The following ASAP2 variants were observed in gnomAD, a reference collection of about 807,000 sequenced individuals.
ASAP2 encodes arf-GAP with SH3 domain, ANK repeat and PH domain-containing protein 2.
ASAP2 carries 45 observed loss-of-function variants against 131.4 expected under a neutral mutation model. The ratio of observed to expected loss-of-function variants is 0.34; its 90% CI spans 0.27 to 0.44. ASAP2 has a LOEUF of 0.44. Ranked by LOEUF, ASAP2 falls within the 20% of genes least tolerant of loss-of-function variation. ASAP2 has a pLI of 1.00. For synonymous variants in ASAP2, 510 were observed against 503.0 expected (o/e 1.01, Z -0.19); for missense variants, 1,011 against 1,297.0 (o/e 0.78, Z 3.39).
At chr2:9,319,876 G>T (rs1012982552) in intron 4 of ASAP2, among the ~76,000 whole-genome samples, 2 of 152,174 alleles carry the variant, frequency 1.3e-5, no homozygotes, top group Admixed American at 6.5e-5. Context: ...TTAAAGCAGG[G>T]TTAGATGTGA....
At chr2:9,344,887 G>C in intron 11 of ASAP2, 87 bp downstream of exon 11, 1 of 1,151,412 alleles carries the variant, frequency 8.7e-7, no homozygotes, top group Admixed American at 1.8e-5. Flanking sequence ...GGCAGGAGTT[G>C]TTCTCCGTGT....
intron 1 of ASAP2, among the ~76,000 whole-genome samples, chr2:9,267,473 T>G (rs2148235031): frequency 6.6e-6 from 1 of 152,288 alleles, no homozygotes; most frequent in East Asian, 1.9e-4. Flanking sequence ...GAGGACATGA[T>G]TTAGTTCTTT....
intron 1 of ASAP2, among the ~76,000 whole-genome samples, chr2:9,240,542 A>G (rs1224990220): frequency 2.0e-5 from 3 of 152,130 alleles, no homozygotes; most frequent in African/African-American, 7.2e-5. Flanking sequence ...CACCGTGCCC[A>G]GCCCCTCCCA....
intron 1 of ASAP2, among the ~76,000 whole-genome samples, chr2:9,240,595 A>G (rs1663893582): frequency 6.6e-6 from 1 of 152,142 alleles, no homozygotes; most frequent in Admixed American, 6.5e-5. Flanking sequence ...CTTGCCACGC[A>G]CCACGGCCGT....
intron 1 of ASAP2, among the ~76,000 whole-genome samples, chr2:9,259,592 C>T (rs894364955): frequency 2.0e-5 from 3 of 152,258 alleles, no homozygotes; most frequent in Non-Finnish European, 4.4e-5. Flanking sequence ...ACAGCACCAT[C>T]TGCATCTCTT....
chr2:9,289,027 G>A (rs1667633624), intron 2 of ASAP2, among the ~76,000 whole-genome samples: 1 of 152,216 alleles, frequency 6.6e-6, no homozygotes, highest in African/African-American at 2.4e-5. Flanking sequence ...CCCATAGAGT[G>A]CTGTGTTTCC....
intron 21 of ASAP2, among the ~76,000 whole-genome samples, chr2:9,386,092 C>T (rs1206196612): frequency 6.6e-6 from 1 of 152,004 alleles, no homozygotes; most frequent in African/African-American, 2.4e-5. Context: ...GGAATGTGCT[C>T]TGTGCTGAAT....
intron 1 of ASAP2, among the ~76,000 whole-genome samples, chr2:9,233,923 C>T (rs746834399): frequency 1.3e-5 from 2 of 151,800 alleles, no homozygotes; most frequent in Non-Finnish European, 2.9e-5. Context: ...CCAGCTTGGC[C>T]AACACGGTGA....
At chr2:9,278,680 T>C (rs1176229929) in intron 1 of ASAP2, among the ~76,000 whole-genome samples, 3 of 152,206 alleles carry the variant, frequency 2.0e-5, no homozygotes, top group Non-Finnish European at 2.9e-5. Context: ...TGCCGTGTAG[T>C]AGCTGGTCTA....
chr2:9,353,411 G>T (rs1481074515), intron 12 of ASAP2, among the ~76,000 whole-genome samples: 1 of 152,148 alleles, frequency 6.6e-6, no homozygotes, highest in Admixed American at 6.5e-5. Context: ...TTTAAAAATA[G>T]TGCAGTATGG....
chr2:9,334,815 T>C lies in ASAP2; in HGVS notation c.762+2T>C. Reference sequence around the variant, plus strand: ...ACGCTGTCTACGGATCTTCACACGGTGAGTAGCTTCCCTCCCACTGTGGTT... The same window carrying C: ...ACGCTGTCTACGGATCTTCACACGGCGAGTAGCTTCCCTCCCACTGTGGTT... On this transcript the variant is annotated splice_donor_variant, in intron 8 of 27. Transcript: ENST00000281419. LOFTEE classifies it high-confidence loss of function. 6.2e-7 allele frequency: 1 copy of C among 1,612,872 alleles called. No homozygotes were observed. Among genetic ancestry groups the C allele is most frequent in the Non-Finnish European group, 8.5e-7 (1 of 1,178,960 alleles).
chr2:9,286,455 T>A (rs1258098375), intron 2 of ASAP2, among the ~76,000 whole-genome samples: 1 of 150,616 alleles, frequency 6.6e-6, no homozygotes, highest in Non-Finnish European at 1.5e-5. Context: ...AAAATATATA[T>A]ATATATACTG....
intron 20 of ASAP2, among the ~76,000 whole-genome samples, chr2:9,384,037 T>C (rs1675072424): frequency 6.6e-6 from 1 of 151,978 alleles, no homozygotes; most frequent in Non-Finnish European, 1.5e-5. Context: ...GGGGGAGGGA[T>C]AGCATCAGGA....
intron 20 of ASAP2, among the ~76,000 whole-genome samples, chr2:9,382,449 G>A (rs1218632912): frequency 6.6e-6 from 1 of 152,218 alleles, no homozygotes; most frequent in Non-Finnish European, 1.5e-5. Flanking sequence ...GACACCCATA[G>A]TGTGTAACGA....
At chr2:9,282,975 C>T (rs1260200962) in intron 2 of ASAP2, among the ~76,000 whole-genome samples, 1 of 152,272 alleles carries the variant, frequency 6.6e-6, no homozygotes, top group African/African-American at 2.4e-5. Flanking sequence ...TCCCAGTCAC[C>T]TGCAGGGGAC....
intron 1 of ASAP2, among the ~76,000 whole-genome samples, chr2:9,214,054 G>T (rs1375765870): frequency 6.6e-6 from 1 of 152,172 alleles, no homozygotes; most frequent in East Asian, 1.9e-4. Flanking sequence ...ATACTTATGG[G>T]CATTGTCAGA....
At chr2:9,342,576 T>C (rs1671661436) in intron 9 of ASAP2, among the ~76,000 whole-genome samples, 1 of 152,226 alleles carries the variant, frequency 6.6e-6, no homozygotes, top group Non-Finnish European at 1.5e-5. Flanking sequence ...TAAGTATAAA[T>C]CTTCATGACC....
At chr2:9,337,946 G>A (rs1490918773) in intron 9 of ASAP2, among the ~76,000 whole-genome samples, 2 of 152,206 alleles carry the variant, frequency 1.3e-5, no homozygotes, top group African/African-American at 2.4e-5. Context: ...AATGAGGATC[G>A]AACTATGTAC....
At chr2:9,273,775 A>G (rs2148277044) in intron 1 of ASAP2, among the ~76,000 whole-genome samples, 1 of 152,358 alleles carries the variant, frequency 6.6e-6, no homozygotes, top group Middle Eastern at 3.4e-3. Flanking sequence ...TCCAGTGAAT[A>G]CAGGGTCTGC....
Sources: gnomAD v4.1 joint callset for allele counts (sites outside exome capture counted in the v4.1 genomes callset) on GRCh38, gnomAD v4.1.1 for gene constraint, MANE v1.5 for transcripts, NCBI Gene and HGNC (gene_info 2026-07-23, HGNC 2026-07-21) for gene names.